Variants in OR5H14 observed in about 807,000 individuals in gnomAD.
OR5H14 encodes olfactory receptor family 5 subfamily H member 14, also known as olfactory receptor 5H14.
For synonymous variants in OR5H14, 155 were observed against 130.6 expected (o/e 1.19, Z -1.28); for missense variants, 392 against 363.9 (o/e 1.08, Z -0.63).
In OR5H14 at chr3:98,155,543, A is replaced by G. The variant is rs1366297696; in HGVS notation, c.*5225A>G. 1 of 152,196 alleles carries G rather than the reference A, an allele frequency of 6.6e-6. No individual in the cohort carries two copies. The highest frequency in any genetic ancestry group is 1.5e-5 in the Non-Finnish European group (1 of 68,040). The allele number at this position is 152,196 out of a possible 1,614,324, so 9.4% of individuals were successfully genotyped here. ...CAACTAGGTGGCAAGGCATTGCAAGATTGTCTTTGTTTTTATTTTTTCCTC... is the reference window on the plus strand; with the variant it reads ...CAACTAGGTGGCAAGGCATTGCAAGGTTGTCTTTGTTTTTATTTTTTCCTC... On this transcript the variant is annotated 3_prime_UTR_variant, in exon 2 of 2. Transcript: ENST00000641380.
rs537017257 is a variant in OR5H14, at chr3:98,150,247, A to G, written c.862A>G (p.Met288Val). Residue 288 changes from methionine to valine, a missense_variant, in exon 2 of 2, where the codon ATG (methionine) becomes GTG (valine). Met to Val is a conservative substitution (Grantham distance 21). Coordinates refer to ENST00000641380, the MANE Select transcript of OR5H14 (RefSeq NM_001005514.2). ...YTVIVPLLNP[M>V]IYSLRNKQVI... is the part of the protein sequence containing the mutation. Reference sequence around the variant, plus strand: ...TGTCATAGTTCCTTTATTAAATCCCATGATCTACAGCCTGAGAAACAAGCA... The same window carrying G: ...TGTCATAGTTCCTTTATTAAATCCCGTGATCTACAGCCTGAGAAACAAGCA... 3.7e-6 allele frequency: 6 copies of G among 1,610,510 alleles called. No individual in the cohort carries two copies. The highest frequency in any genetic ancestry group is 3.3e-5 in the South Asian group (3 of 90,354).
rs778145093 is a variant in OR5H14 at position 98,150,127 on chromosome 3, GT to G, written c.743del (p.Val248AspfsTer25). On this transcript the variant is annotated frameshift_variant, in exon 2 of 2. Coordinates refer to ENST00000641380, the MANE Select transcript of OR5H14 (RefSeq NM_001005514.2). LOFTEE classifies it low-confidence loss of function (END_TRUNC). Reference sequence around the variant, plus strand: ...CACCTGTGGAGCTCATCTCTTATCTGTATCTTTATACTATGGGCCCCTCGCC... The same window carrying G: ...CACCTGTGGAGCTCATCTCTTATCTGATCTTTATACTATGGGCCCCTCGCC... The part of the protein sequence containing the change: ...FSTCGAHLLS[V>X]SLYYGPLAFM... The G allele has an allele frequency of 3.7e-6, 6 of 1,610,190 alleles. No individual in the cohort carries two copies. Among genetic ancestry groups the G allele is most frequent in the Non-Finnish European group, 5.1e-6 (6 of 1,179,054 alleles).
rs369349308 is a variant in OR5H14, at chr3:98,149,594, A to G, written c.209A>G (p.Asp70Gly). 6.2e-7 allele frequency: 1 copy of G among 1,613,414 alleles called. No individual in the cohort carries two copies. Among genetic ancestry groups the G allele is most frequent in the Admixed American group, 1.7e-5 (1 of 59,932 alleles). The stretch of plus-strand genomic sequence containing the variant: ...CTCCTTGGGAATTTAGCTTTTGTGG[A>G]TGCTTTGTTATCATCCTCAGTGACT... ...YLLLGNLAFV[D>G]ALLSSSVTLK... Residue 70 changes from aspartate (D) to glycine (G), a missense_variant, in exon 2 of 2, where the codon GAT becomes GGT. Transcript: ENST00000641380.
Position 98,149,414 on chromosome 3 carries a change from C to T in OR5H14, c.29C>T (p.Thr10Ile), listed in dbSNP as rs112019994. 9,903 of 1,612,820 alleles carry T rather than the reference C, an allele frequency of 6.1e-3. 311 individuals are homozygous for T. The African/African-American group carries it at 0.097, about 16-fold the overall frequency. The change falls in exon 2 of 2, where the codon ACA becomes ATA. Residue 10 changes from threonine to isoleucine, a missense_variant. By Grantham distance (89) the Thr-to-Ile change is moderately conservative. Coordinates refer to ENST00000641380, the MANE Select transcript of OR5H14 (RefSeq NM_001005514.2). MEEENATLL[T>I]EFVLTGFLYQ... ...GAAGAGGAAAATGCAACATTGCTGA[C>T]AGAGTTTGTTCTCACAGGATTTTTA... is the stretch of plus-strand genomic sequence containing the variant.
At chr3:98,147,668 A>G (rs1708440150) in intron 1 of OR5H14, 114 bp downstream of exon 1, 1 of 152,108 alleles carries the variant, frequency 6.6e-6, no homozygotes, top group African/African-American at 2.4e-5. Context: ...TAGCCAGAAG[A>G]AAGTTGGGTA....
intron 1 of OR5H14, 183 bp from the exon 2 acceptor site, chr3:98,149,185 T>C: frequency 1.4e-6 from 1 of 690,842 alleles, no homozygotes; most frequent in Non-Finnish European, 2.3e-6. Flanking sequence ...TACTACCAAA[T>C]TTTCAAACTA....
Position 98,154,634 on chromosome 3 carries a change from A to T in OR5H14, c.*4316A>T, listed in dbSNP as rs1437174010. On this transcript the variant is annotated 3_prime_UTR_variant, in exon 2 of 2. Transcript: ENST00000641380. ...AAAGGCTTAGTAGATGCAGAGTGAC[A>T]AGATAGAGTATGATAGAATGAAATA... 5.3e-5 allele frequency: 8 copies of T among 152,248 alleles called. No individual in the cohort carries two copies. The highest frequency in any genetic ancestry group is 1.0e-4 in the Non-Finnish European group (7 of 68,040). The allele number at this position is 152,248 out of a possible 1,614,324, so 9.4% of individuals were successfully genotyped here. A position where few individuals can be genotyped will look rare whatever the true frequency, so the allele number is the denominator to read the frequency against.
At position 98,154,952 on chromosome 3, in the gene OR5H14, AACTG is replaced by A; in HGVS notation, c.*4635_*4638del. The A allele has an allele frequency of 2.1e-5, 2 of 96,322 alleles. No individual in the cohort carries two copies. Among genetic ancestry groups the A allele is most frequent in the African/African-American group, 1.1e-4 (2 of 17,700 alleles). 6.0% of individuals were successfully genotyped at this position (96,322 alleles called of 1,614,324 possible). On this transcript the variant is annotated 3_prime_UTR_variant, in exon 2 of 2. Transcript: ENST00000641380. ...AAATTATGGCTCCTGATCATCATGC[AACTG>A]GAGGCCATGGAATTCTAACCTTCCT...
chr3:98,155,775 T>G lies in OR5H14; in HGVS notation c.*5457T>G, dbSNP rs1708582304. On this transcript the variant is annotated 3_prime_UTR_variant, in exon 2 of 2. Coordinates refer to ENST00000641380, the MANE Select transcript of OR5H14 (RefSeq NM_001005514.2). The stretch of plus-strand genomic sequence containing the variant: ...GATGAGACCATATTAATCACAGCAT[T>G]CAAAGCATCCTATTTTATGTACAAA... 6.6e-6 allele frequency: 1 copy of G among 152,166 alleles called. No individual in the cohort carries two copies. The highest frequency in any genetic ancestry group is 1.5e-5 in the Non-Finnish European group (1 of 68,014). The allele number at this position is 152,166 out of a possible 1,614,324, so 9.4% of individuals were successfully genotyped here.
In OR5H14 at chr3:98,147,514, A is replaced by G. The variant is rs1215630043; in HGVS notation, c.-59A>G. The G allele has an allele frequency of 1.3e-5, 2 of 152,162 alleles. No individual in the cohort carries two copies. Among genetic ancestry groups the G allele is most frequent in the Non-Finnish European group, 2.9e-5 (2 of 68,008 alleles). The allele number at this position is 152,162 out of a possible 1,614,324, so 9.4% of individuals were successfully genotyped here. A position where few individuals can be genotyped will look rare whatever the true frequency, so the allele number is the denominator to read the frequency against. ...TTTTTTTTCTGTTTTAGAAAGTGTA[A>G]CACGTTTAAAGGATATCCACAATTT... On this transcript the variant is annotated 5_prime_UTR_variant, in exon 1 of 2. Coordinates refer to ENST00000641380, the MANE Select transcript of OR5H14 (RefSeq NM_001005514.2).
In OR5H14 at chr3:98,150,095, C is replaced by T. The variant is rs745956331; in HGVS notation, c.710C>T (p.Ala237Val). 2 of 1,609,014 alleles carry T rather than the reference C, an allele frequency of 1.2e-6. No homozygotes were observed. Among genetic ancestry groups the T allele is most frequent in the South Asian group, 1.1e-5 (1 of 90,542 alleles). ...AAGTCTGTCAAAGGTATGAGAAAAGCCTTCTCCACCTGTGGAGCTCATCTC... is the reference window on the plus strand; with the variant it reads ...AAGTCTGTCAAAGGTATGAGAAAAGTCTTCTCCACCTGTGGAGCTCATCTC... ...KKKSVKGMRK[A>V]FSTCGAHLLS... Residue 237 changes from alanine to valine, a missense_variant, in exon 2 of 2, where the codon GCC becomes GTC. Physicochemically the swap from Ala to Val is moderately conservative, Grantham distance 64 (BLOSUM62 0). Coordinates refer to ENST00000641380, the MANE Select transcript of OR5H14 (RefSeq NM_001005514.2).
chr3:98,148,168 C>A (rs1708446942), intron 1 of OR5H14: 1 of 151,728 alleles, frequency 6.6e-6, no homozygotes, highest in South Asian at 2.1e-4. Context: ...CTTCACTCTA[C>A]AAGTAAGAAG....
At position 98,150,136 on chromosome 3, in the gene OR5H14, T is replaced by C. The variant is rs529355647; in HGVS notation, c.751T>C (p.Tyr251His). Residue 251 changes from tyrosine (Y) to histidine (H), a missense_variant, in exon 2 of 2, where the codon TAC becomes CAC. Physicochemically the swap from Tyr to His is moderately conservative, Grantham distance 83. Coordinates refer to ENST00000641380, the MANE Select transcript of OR5H14 (RefSeq NM_001005514.2). Reference sequence around the variant, plus strand: ...AGCTCATCTCTTATCTGTATCTTTATACTATGGGCCCCTCGCCTTCATGTA... The same window carrying C: ...AGCTCATCTCTTATCTGTATCTTTACACTATGGGCCCCTCGCCTTCATGTA... ...CGAHLLSVSL[Y>H]YGPLAFMYMG... 1 of 1,611,448 alleles carries C rather than the reference T, an allele frequency of 6.2e-7. No homozygotes were observed. Among genetic ancestry groups the C allele is most frequent in the South Asian group, 1.1e-5 (1 of 90,778 alleles).
At position 98,147,484 on chromosome 3, in the gene OR5H14, CTG is replaced by C. The variant is rs1295150827; in HGVS notation, c.-85_-84del. On this transcript the variant is annotated 5_prime_UTR_variant, in exon 1 of 2. Transcript: ENST00000641380. ...AAGTGCTATTAACATCACAGTGTTACTGTGTTTTTTTTCTGTTTTAGAAAGTG... is the reference window on the plus strand; with the variant it reads ...AAGTGCTATTAACATCACAGTGTTACTGTTTTTTTTCTGTTTTAGAAAGTG... The C allele has an allele frequency of 6.6e-6, 1 of 152,100 alleles. No individual in the cohort carries two copies. The highest frequency in any genetic ancestry group is 1.5e-5 in the Non-Finnish European group (1 of 68,002). The allele number at this position is 152,100 out of a possible 1,614,324, so 9.4% of individuals were successfully genotyped here. A position where few individuals can be genotyped will look rare whatever the true frequency, so the allele number is the denominator to read the frequency against.
rs564982485 is a variant in OR5H14 at position 98,150,833 on chromosome 3, A to G, written c.*515A>G. On this transcript the variant is annotated 3_prime_UTR_variant, in exon 2 of 2. Transcript: ENST00000641380. ...CTTCTTGTAGGAAGTCAACTCATAT[A>G]TCAAATAAAGAAGCAGAAATGGAAA... 1 of 152,494 alleles carries G rather than the reference A, an allele frequency of 6.6e-6. No individual in the cohort carries two copies. Among genetic ancestry groups the G allele is most frequent in the Admixed American group, 6.5e-5 (1 of 15,284 alleles). The allele number at this position is 152,494 out of a possible 1,614,324, so 9.4% of individuals were successfully genotyped here.
At position 98,150,145 on chromosome 3, in the gene OR5H14, C is replaced by G. The variant is rs1294340085; in HGVS notation, c.760C>G (p.Pro254Ala). Reference protein sequence around the residue: ...HLLSVSLYYGPLAFMYMGSAS... With the variant: ...HLLSVSLYYGALAFMYMGSAS... ...CTTATCTGTATCTTTATACTATGGG[C>G]CCCTCGCCTTCATGTATATGGGCTC... is the stretch of plus-strand genomic sequence containing the variant. The change falls in exon 2 of 2, where the codon CCC (proline) becomes GCC (alanine). Residue 254 changes from proline (P) to alanine (A), a missense_variant. Physicochemically the swap from Pro to Ala is conservative, Grantham distance 27 (BLOSUM62 -1). Coordinates refer to ENST00000641380, the MANE Select transcript of OR5H14 (RefSeq NM_001005514.2). The G allele has an allele frequency of 6.2e-6, 10 of 1,611,798 alleles. No individual in the cohort carries two copies. The highest frequency in any genetic ancestry group is 8.5e-7 in the Non-Finnish European group (1 of 1,179,468).
In OR5H14 at chr3:98,155,629, T is replaced by A. The variant is rs1198488658; in HGVS notation, c.*5311T>A. 2.0e-5 allele frequency: 3 copies of A among 152,372 alleles called. No individual in the cohort carries two copies. The East Asian group carries it at 5.8e-4, about 29-fold the overall frequency. The allele number at this position is 152,372 out of a possible 1,614,324, so 9.4% of individuals were successfully genotyped here. ...TTTCAGCTCACCTGGAAGTTAGATATATGTCTGGAGTTTCAGCTGCAGTTT... is the reference window on the plus strand; with the variant it reads ...TTTCAGCTCACCTGGAAGTTAGATAAATGTCTGGAGTTTCAGCTGCAGTTT... On this transcript the variant is annotated 3_prime_UTR_variant, in exon 2 of 2. Transcript: ENST00000641380.
rs1349850667 is a variant in OR5H14 at position 98,156,112 on chromosome 3, TACAA to T, written c.*5798_*5801del. 1 of 152,152 alleles carries T rather than the reference TACAA, an allele frequency of 6.6e-6. No homozygotes were observed. Among genetic ancestry groups the T allele is most frequent in the African/African-American group, 2.4e-5 (1 of 41,448 alleles). 9.4% of individuals were successfully genotyped at this position (152,152 alleles called of 1,614,324 possible). A position where few individuals can be genotyped will look rare whatever the true frequency, so the allele number is the denominator to read the frequency against. On this transcript the variant is annotated 3_prime_UTR_variant, in exon 2 of 2. Transcript: ENST00000641380. ...AGCACTTTTGTTGAAAGCAAATTTT[TACAA>T]ACATTTTTCTAAGACTGGAAATGAA...
chr3:98,150,055 A>G lies in OR5H14; in HGVS notation c.670A>G (p.Thr224Ala), dbSNP rs772956847. Reference sequence around the variant, plus strand: ...TATATCTTACATATTTGTCCTCTATACAATCTTGAAAAAGAAGTCTGTCAA... The same window carrying G: ...TATATCTTACATATTTGTCCTCTATGCAATCTTGAAAAAGAAGTCTGTCAA... Reference protein sequence around the residue: ...VLISYIFVLYTILKKKSVKGM... With the variant: ...VLISYIFVLYAILKKKSVKGM... The change falls in exon 2 of 2, where the codon ACA (threonine) becomes GCA (alanine). Residue 224 changes from threonine (T) to alanine (A), a missense_variant. Coordinates refer to ENST00000641380, the MANE Select transcript of OR5H14 (RefSeq NM_001005514.2). 6.2e-7 allele frequency: 1 copy of G among 1,611,758 alleles called. No homozygotes were observed. Among genetic ancestry groups the G allele is most frequent in the African/African-American group, 1.3e-5 (1 of 74,796 alleles).
Sources: gnomAD v4.1 joint callset for allele counts on GRCh38, gnomAD v4.1.1 for gene constraint, MANE v1.5 for transcripts, NCBI Gene and HGNC (gene_info 2026-07-23, HGNC 2026-07-21) for gene names.